ASIP: variants seen among roughly 807,000 people sequenced by gnomAD.
ASIP encodes the protein agouti signaling protein, also known as agouti-signaling protein.
Under a neutral mutation model 10.3 loss-of-function variants are expected in ASIP, and 11 were observed. The observed-to-expected ratio is 1.07, with a 90% CI of 0.68 to 1.78. The LOEUF (loss-of-function observed/expected upper bound fraction) is 1.78, where lower values mean the gene tolerates loss of function less well. ASIP is among the 40% of genes most tolerant of loss of function. The probability of loss-of-function intolerance (pLI) is 0.00; values close to 1 mark genes in which losing one functional copy is unlikely to be tolerated. For missense variants in ASIP, 180 were observed against 169.2 expected (o/e 1.06, Z -0.35); for synonymous variants, 70 against 70.8 (o/e 0.99, Z 0.06).
intron 1 of ASIP, among the ~76,000 whole-genome samples, chr20:34,257,497 A>G (rs906684098): frequency 3.3e-5 from 5 of 152,192 alleles, no homozygotes; most frequent in Non-Finnish European, 1.5e-5. Context: ...TAAAAACAAT[A>G]TTGCTTTTGG....
At chr20:34,260,566 G>T in intron 2 of ASIP, 32 bp downstream of exon 2, 1 of 1,574,036 alleles carries the variant, frequency 6.4e-7, no homozygotes. Context: ...CTCTGGCCCA[G>T]GAGAGGGGCT....
At chr20:34,244,834 T>C (rs1429154951) in intron 1 of ASIP, among the ~76,000 whole-genome samples, 1 of 152,206 alleles carries the variant, frequency 6.6e-6, no homozygotes, top group Non-Finnish European at 1.5e-5. Flanking sequence ...GGGTGGACTT[T>C]GTAACAACAA....
At chr20:34,257,953 G>T (rs2035601451) in intron 1 of ASIP, among the ~76,000 whole-genome samples, 1 of 152,116 alleles carries the variant, frequency 6.6e-6, no homozygotes, top group Non-Finnish European at 1.5e-5. Context: ...AGATCAGCTT[G>T]GCCAACATGG....
intron 1 of ASIP, among the ~76,000 whole-genome samples, chr20:34,221,796 A>G (rs1269578285): frequency 6.6e-6 from 1 of 152,168 alleles, no homozygotes; most frequent in Non-Finnish European, 1.5e-5. Flanking sequence ...AATAGAAAGA[A>G]AAGAGCAAAG....
intron 2 of ASIP, among the ~76,000 whole-genome samples, chr20:34,261,149 C>T (rs899292341): frequency 6.6e-6 from 1 of 152,242 alleles, no homozygotes; most frequent in African/African-American, 2.4e-5. Flanking sequence ...TACTTAACTC[C>T]AGAACCTAAG....
intron 1 of ASIP, among the ~76,000 whole-genome samples, chr20:34,258,695 A>ATATATATATAT (rs1568768712): frequency 2.6e-4 from 4 of 15,522 alleles, no homozygotes; most frequent in African/African-American, 4.2e-4. Context: ...ATATATACAT[A>ATATATATATAT]CTATATATAT....
chr20:34,188,407 T>C, the ASIP span, among the ~76,000 whole-genome samples: 1 of 152,168 alleles, frequency 6.6e-6, no homozygotes, highest in Non-Finnish European at 1.5e-5. Flanking sequence ...TATCACATCA[T>C]GGAAAAGTAA....
chr20:34,244,821 G>A (rs1322941966), intron 1 of ASIP, among the ~76,000 whole-genome samples: 4 of 152,078 alleles, frequency 2.6e-5, no homozygotes, highest in African/African-American at 4.8e-5. Context: ...TATTGTGCCC[G>A]TAGGGTGGAC....
In ASIP at chr20:34,268,950, G is replaced by A. The variant is rs567393493; in HGVS notation, c.223-41G>A. ...AGGCAGAGGTGAGGACCGGAGGGGT[G>A]GGCGTGGCCGGCTCATAAAGCCCCG... On this transcript the variant is annotated intron_variant, in intron 3 of 3. Coordinates refer to ENST00000374954, the MANE Select transcript of ASIP (RefSeq NM_001672.3). 31 of 1,563,624 alleles carry A rather than the reference G, an allele frequency of 2.0e-5. No homozygotes were observed. In the South Asian group the frequency reaches 3.3e-4, roughly 17 times the overall value.
At chr20:34,223,044 C>T (rs1191640979) in intron 1 of ASIP, among the ~76,000 whole-genome samples, 5 of 151,608 alleles carry the variant, frequency 3.3e-5, no homozygotes, top group African/African-American at 4.9e-5. Context: ...TCTGCCCGGC[C>T]GCCACCCCGT....
chr20:34,206,421 G>A (rs901056107), intron 1 of ASIP, among the ~76,000 whole-genome samples: 5 of 151,948 alleles, frequency 3.3e-5, no homozygotes, highest in African/African-American at 7.3e-5. Flanking sequence ...TTAACTCCAC[G>A]TGAGTAAGAA....
At chr20:34,220,069 G>A (rs1009558678) in intron 1 of ASIP, among the ~76,000 whole-genome samples, 17 of 151,512 alleles carry the variant, frequency 1.1e-4, no homozygotes, top group East Asian at 1.9e-4. Context: ...CAGCCTGGGC[G>A]ACAGAGCGAG....
chr20:34,252,476 AAGAGTAAC>A (rs1370433878), intron 1 of ASIP, among the ~76,000 whole-genome samples: 1 of 152,204 alleles, frequency 6.6e-6, no homozygotes, highest in Non-Finnish European at 1.5e-5. Flanking sequence ...CAGTGTAGCA[AAGAGTAAC>A]AGAGCAGTAT....
chr20:34,191,343 G>A (rs1033925892), upstream of ASIP, among the ~76,000 whole-genome samples: 2 of 152,206 alleles, frequency 1.3e-5, no homozygotes, highest in Admixed American at 6.5e-5. Flanking sequence ...ACAATTCTAC[G>A]ACCCTTTCTC....
chr20:34,230,725 C>CT, intron 1 of ASIP, among the ~76,000 whole-genome samples: 1 of 39,778 alleles, frequency 2.5e-5, no homozygotes, highest in Non-Finnish European at 4.2e-5. Context: ...GGGGGGCTGA[C>CT]CCCCCCACCT....
intron 1 of ASIP, among the ~76,000 whole-genome samples, chr20:34,234,335 G>T (rs954717313): frequency 6.6e-6 from 1 of 152,108 alleles, no homozygotes; most frequent in Non-Finnish European, 1.5e-5. Flanking sequence ...TAAAAATATA[G>T]CATAACTAGT....
chr20:34,197,385 G>A (rs1042286210), intron 1 of ASIP, among the ~76,000 whole-genome samples: 3 of 152,170 alleles, frequency 2.0e-5, no homozygotes, highest in Non-Finnish European at 4.4e-5. Context: ...AGAAGTAGCT[G>A]TACTAGACGG....
chr20:34,267,759 G>C (rs1265398878), intron 3 of ASIP, among the ~76,000 whole-genome samples: 1 of 151,212 alleles, frequency 6.6e-6, no homozygotes, highest in Non-Finnish European at 1.5e-5. Context: ...CCAAACTCCC[G>C]ACCTCAGGTG....
upstream of ASIP, among the ~76,000 whole-genome samples, chr20:34,191,428 A>C (rs1003597906): frequency 6.6e-6 from 1 of 152,062 alleles, no homozygotes; most frequent in Non-Finnish European, 1.5e-5. Context: ...CCCTGAGCAC[A>C]CTGTCATCCC....
Sources: gnomAD v4.1 joint callset for allele counts (sites outside exome capture counted in the v4.1 genomes callset) on GRCh38, gnomAD v4.1.1 for gene constraint, MANE v1.5 for transcripts, NCBI Gene and HGNC (gene_info 2026-07-23, HGNC 2026-07-21) for gene names.